SHC3: variants seen among roughly 807,000 people sequenced by gnomAD.
The protein encoded by SHC3 is SHC adaptor protein 3.
SHC3 carries 15 observed loss-of-function variants against 60.4 expected under a neutral mutation model. That is an observed-to-expected ratio of 0.25 (90% CI 0.17 to 0.38). SHC3 has a LOEUF of 0.38. Ranked by LOEUF, SHC3 falls within the 10% of genes least tolerant of loss-of-function variation. SHC3 has a pLI of 1.00. For missense variants in SHC3, 677 were observed against 786.1 expected (o/e 0.86, Z 1.66); for synonymous variants, 294 against 325.9 (o/e 0.90, Z 1.05).
intron 10 of SHC3, among the ~76,000 whole-genome samples, chr9:89,039,960 CA>C (rs1422234314): frequency 6.6e-6 from 1 of 151,842 alleles, no homozygotes; most frequent in Admixed American, 6.6e-5. Flanking sequence ...GCAGCAGTAG[CA>C]TCACCACCAT....
intron 2 of SHC3, among the ~76,000 whole-genome samples, chr9:89,092,651 G>T (rs1825641942): frequency 1.3e-5 from 2 of 150,882 alleles, no homozygotes; most frequent in Non-Finnish European, 3.0e-5. Context: ...CAGGTTTTAG[G>T]CCCCAATCTA....
At chr9:89,048,241 TA>T (rs34217569) in intron 7 of SHC3, among the ~76,000 whole-genome samples, 34,580 of 133,722 alleles carry the variant, frequency 0.26, 5,092 homozygotes, top group African/African-American at 0.43. Flanking sequence ...AAGACTCCAT[TA>T]AAAAAAAAAA....
At chr9:89,106,153 T>C (rs1825856544) in intron 2 of SHC3, among the ~76,000 whole-genome samples, 1 of 152,168 alleles carries the variant, frequency 6.6e-6, no homozygotes. Flanking sequence ...TGAGTGTCTC[T>C]GCTGAGTATT....
At chr9:89,125,813 G>C (rs1252834627) in intron 1 of SHC3, among the ~76,000 whole-genome samples, 2 of 152,094 alleles carry the variant, frequency 1.3e-5, no homozygotes, top group Non-Finnish European at 2.9e-5. Flanking sequence ...TCCAGGAATT[G>C]CCCACCGCCT....
intron 11 of SHC3, among the ~76,000 whole-genome samples, chr9:89,023,168 C>G (rs1826234171): frequency 6.6e-6 from 1 of 152,240 alleles, no homozygotes; most frequent in South Asian, 2.1e-4. Context: ...CCACCCTGAT[C>G]TTAGCATGAG....
intron 1 of SHC3, among the ~76,000 whole-genome samples, chr9:89,140,340 C>G (rs535152947): frequency 1.4e-4 from 21 of 152,124 alleles, no homozygotes; most frequent in East Asian, 7.7e-4. Flanking sequence ...CAGATTCCCC[C>G]CCCCAGATTA....
intron 2 of SHC3, among the ~76,000 whole-genome samples, chr9:89,103,657 T>C (rs74488359): frequency 0.013 from 2,037 of 152,352 alleles, 20 homozygotes; most frequent in South Asian, 0.034. Flanking sequence ...ATATCAGTAT[T>C]TGTCAACATG....
intron 6 of SHC3, among the ~76,000 whole-genome samples, chr9:89,054,359 G>A (rs1197712169): frequency 6.6e-6 from 1 of 152,210 alleles, no homozygotes; most frequent in Non-Finnish European, 1.5e-5. Context: ...ACCTGGCAGA[G>A]TCCTCAATGA....
intron 11 of SHC3, among the ~76,000 whole-genome samples, chr9:89,024,807 T>A (rs1826263159): frequency 6.6e-6 from 1 of 152,122 alleles, no homozygotes; most frequent in Non-Finnish European, 1.5e-5. Flanking sequence ...CAGGGTGGGC[T>A]GGGGCTGTCA....
intron 1 of SHC3, among the ~76,000 whole-genome samples, chr9:89,166,247 G>A (rs1016562288): frequency 1.8e-4 from 28 of 152,140 alleles, no homozygotes; most frequent in African/African-American, 6.8e-4. Context: ...AACTAGTGCA[G>A]CCCCTGGTAT....
At chr9:89,067,879 G>C (rs1825209082) in intron 5 of SHC3, among the ~76,000 whole-genome samples, 1 of 152,128 alleles carries the variant, frequency 6.6e-6, no homozygotes, top group East Asian at 1.9e-4. Flanking sequence ...AATAAAAGAA[G>C]TTTATTTTTA....
intron 11 of SHC3, among the ~76,000 whole-genome samples, chr9:89,037,192 C>T (rs950974950): frequency 3.3e-5 from 5 of 152,148 alleles, no homozygotes; most frequent in African/African-American, 1.2e-4. Flanking sequence ...CCCCCACCCC[C>T]GACACATGCA....
intron 5 of SHC3, among the ~76,000 whole-genome samples, chr9:89,070,316 G>A (rs376228165): frequency 9.1e-4 from 138 of 152,228 alleles, no homozygotes; most frequent in African/African-American, 3.2e-3. Flanking sequence ...AGAACTTTCC[G>A]GAGGGTGAGC....
At chr9:89,159,607 T>C (rs572317142) in intron 1 of SHC3, among the ~76,000 whole-genome samples, 2 of 152,246 alleles carry the variant, frequency 1.3e-5, no homozygotes, top group East Asian at 1.9e-4. Context: ...GTTTATAAAG[T>C]ATTAACTCGC....
chr9:89,017,689 C>A (rs567032081), intron 11 of SHC3, among the ~76,000 whole-genome samples: 2 of 152,106 alleles, frequency 1.3e-5, no homozygotes, highest in Admixed American at 6.5e-5. Flanking sequence ...GCAAAAGAAA[C>A]TATCATCAGA....
chr9:89,168,293 C>T (rs1309694160), intron 1 of SHC3, among the ~76,000 whole-genome samples: 1 of 152,068 alleles, frequency 6.6e-6, no homozygotes. Flanking sequence ...TGGAGAAACC[C>T]CTTCTCTACC....
At chr9:89,026,648 C>T (rs12115280) in intron 11 of SHC3, among the ~76,000 whole-genome samples, 18,309 of 152,264 alleles carry the variant, frequency 0.12, 1,217 homozygotes, top group Middle Eastern at 0.16. Context: ...CTAAATAAAC[C>T]TCTGAAATGA....
At chr9:89,052,239 C>A (rs1265778954) in intron 6 of SHC3, 76 bp from the exon 7 acceptor site, 2 of 1,575,204 alleles carry the variant, frequency 1.3e-6, no homozygotes, top group Non-Finnish European at 1.7e-6. Context: ...AGAGCCCTTG[C>A]TGAGGACACA....
intron 3 of SHC3, among the ~76,000 whole-genome samples, chr9:89,076,353 C>G (rs148105319): frequency 6.6e-6 from 1 of 152,188 alleles, no homozygotes; most frequent in Non-Finnish European, 1.5e-5. Flanking sequence ...AAGACAGAAA[C>G]AAGCTTGAGC....
Sources: gnomAD v4.1 joint callset for allele counts (sites outside exome capture counted in the v4.1 genomes callset) on GRCh38, gnomAD v4.1.1 for gene constraint, MANE v1.5 for transcripts, NCBI Gene and HGNC (gene_info 2026-07-23, HGNC 2026-07-21) for gene names.